Variants in PIAS2 observed in about 807,000 individuals in gnomAD.
PIAS2 encodes E3 SUMO-protein ligase PIAS2.
Under a neutral mutation model 69.7 loss-of-function variants are expected in PIAS2, and 19 were observed. The ratio of observed to expected loss-of-function variants is 0.27; its 90% CI spans 0.19 to 0.40. PIAS2 has a LOEUF of 0.40. Among genes scored for constraint, PIAS2 ranks in the 10% least tolerant of loss-of-function variants. The pLI is 1.00. For synonymous variants in PIAS2, 261 were observed against 263.2 expected, an observed-to-expected ratio of 0.99 and a Z score of 0.08; for missense variants, 624 against 757.0, an observed-to-expected ratio of 0.82 and a Z score of 2.06.
At chr18:46,884,183 C>T (rs1396088972) in intron 2 of PIAS2, among the ~76,000 whole-genome samples, 1 of 152,162 alleles carries the variant, frequency 6.6e-6, no homozygotes, top group Non-Finnish European at 1.5e-5. Context: ...AAAGTAGCAG[C>T]TTCACAGGTG....
chr18:46,840,943 T>C (rs921502943), intron 8 of PIAS2, among the ~76,000 whole-genome samples: 32 of 152,026 alleles, frequency 2.1e-4, no homozygotes, highest in African/African-American at 7.7e-4. Flanking sequence ...AGGCCCAAAA[T>C]GGTGGTTTCC....
chr18:46,875,429 T>C (rs1223134441), intron 2 of PIAS2, among the ~76,000 whole-genome samples: 3 of 152,132 alleles, frequency 2.0e-5, no homozygotes, highest in African/African-American at 7.2e-5. Context: ...TGTTGCTAAT[T>C]ATAGATAATC....
intron 1 of PIAS2, among the ~76,000 whole-genome samples, chr18:46,903,824 T>A (rs2056224537): frequency 1.3e-5 from 2 of 152,274 alleles, no homozygotes; most frequent in South Asian, 4.1e-4. Context: ...CAGATGTCCC[T>A]CAACAGGTGA....
In PIAS2 at chr18:46,804,347, AG is replaced by A. The variant is rs2040595383; in HGVS notation, c.*8085del. 2 of 152,336 alleles carry A rather than the reference AG, an allele frequency of 1.3e-5. No individual in the cohort carries two copies. Among genetic ancestry groups the A allele is most frequent in the Admixed American group, 1.3e-4 (2 of 15,296 alleles). The allele number at this position is 152,336 out of a possible 1,614,324, so 9.4% of individuals were successfully genotyped here. A position where few individuals can be genotyped will look rare whatever the true frequency, so the allele number is the denominator to read the frequency against. On this transcript the variant is annotated 3_prime_UTR_variant, in exon 14 of 14. Transcript: ENST00000585916. Reference sequence around the variant, plus strand: ...ATAGAATGATCAAGAAAGGCCTCTGAGAAAGTAGTTAAAACTGGATTTGAAA... The same window carrying A: ...ATAGAATGATCAAGAAAGGCCTCTGAAAAGTAGTTAAAACTGGATTTGAAA...
intron 11 of PIAS2, chr18:46,826,615 TTC>T (rs1213242122): frequency 3.3e-5 from 5 of 152,234 alleles, no homozygotes; most frequent in Admixed American, 6.5e-5. Flanking sequence ...TAACTTCATT[TTC>T]TGTTTATCAT....
chr18:46,857,326 C>T (rs1331316765), intron 3 of PIAS2, among the ~76,000 whole-genome samples: 1 of 152,108 alleles, frequency 6.6e-6, no homozygotes, highest in African/African-American at 2.4e-5. Context: ...AAGTAGGTAA[C>T]AGAAATACAA....
At chr18:46,822,283 G>C (rs2042260129) in intron 11 of PIAS2, among the ~76,000 whole-genome samples, 1 of 152,144 alleles carries the variant, frequency 6.6e-6, no homozygotes, top group Non-Finnish European at 1.5e-5. Context: ...AACTATGTTA[G>C]TCTCAGAAAA....
chr18:46,868,020 G>A (rs2049756211), intron 2 of PIAS2, among the ~76,000 whole-genome samples: 1 of 152,188 alleles, frequency 6.6e-6, no homozygotes, highest in Non-Finnish European at 1.5e-5. Context: ...CAAGTCATCA[G>A]GTGGCATAGC....
Position 46,809,127 on chromosome 18 carries a change from CTTGGT to C in PIAS2, c.*3301_*3305del, listed in dbSNP as rs2040851213. On this transcript the variant is annotated 3_prime_UTR_variant, in exon 14 of 14. Transcript: ENST00000585916. ...TCAAATTCCTCAAGACTAAGGAAAACTTGGTTTTATACCAAGAATTATGAATCAAC... is the reference window on the plus strand; with the variant it reads ...TCAAATTCCTCAAGACTAAGGAAAACTTTATACCAAGAATTATGAATCAAC... 1 of 152,166 alleles carries C rather than the reference CTTGGT, an allele frequency of 6.6e-6. No individual in the cohort carries two copies. Among genetic ancestry groups the C allele is most frequent in the African/African-American group, 2.4e-5 (1 of 41,438 alleles). 9.4% of individuals were successfully genotyped at this position (152,166 alleles called of 1,614,324 possible).
chr18:46,869,740 A>G (rs767217105), intron 2 of PIAS2, among the ~76,000 whole-genome samples: 25 of 152,210 alleles, frequency 1.6e-4, no homozygotes, highest in Admixed American at 1.1e-3. Context: ...CATTTGGACC[A>G]CAGAGCTCAT....
intron 10 of PIAS2, among the ~76,000 whole-genome samples, chr18:46,828,466 A>G (rs2043131257): frequency 6.6e-6 from 1 of 152,210 alleles, no homozygotes; most frequent in Admixed American, 6.5e-5. Context: ...GTCGTTTTAC[A>G]GAAAGACACG....
chr18:46,853,046 A>T (rs577528903), intron 5 of PIAS2: 2 of 152,518 alleles, frequency 1.3e-5, no homozygotes, highest in Admixed American at 1.3e-4. Flanking sequence ...GGAGGCCAAC[A>T]TAGGTGGATC....
chr18:46,886,091 C>T (rs2053133792), intron 2 of PIAS2, among the ~76,000 whole-genome samples: 1 of 152,128 alleles, frequency 6.6e-6, no homozygotes, highest in Non-Finnish European at 1.5e-5. Flanking sequence ...TGAGCAAAAG[C>T]CTACTACAGC....
chr18:46,832,892 C>CAAAAAA (rs34958166), intron 9 of PIAS2, among the ~76,000 whole-genome samples: 46 of 105,952 alleles, frequency 4.3e-4, no homozygotes, highest in African/African-American at 1.1e-3. Context: ...CCTCTGTCTC[C>CAAAAAA]AAAAAAAAAA....
chr18:46,815,593 T>C (rs1599270281), intron 12 of PIAS2: 3 of 1,172,454 alleles, frequency 2.6e-6, no homozygotes, highest in Non-Finnish European at 3.2e-6. Context: ...GTCCAAAACT[T>C]TCCAGTGAAG....
At chr18:46,868,599 A>G in intron 2 of PIAS2, among the ~76,000 whole-genome samples, 1 of 152,166 alleles carries the variant, frequency 6.6e-6, no homozygotes, top group East Asian at 1.9e-4. Flanking sequence ...ACAGAACCAG[A>G]GATTAACCGT....
At chr18:46,815,490 T>A in intron 12 of PIAS2, 141 bp from the exon 13 acceptor site, 1 of 1,474,370 alleles carries the variant, frequency 6.8e-7, no homozygotes, top group Non-Finnish European at 9.0e-7. Flanking sequence ...TATACCATGA[T>A]CAGTGATATT....
chr18:46,854,729 T>C (rs911811153), intron 5 of PIAS2, among the ~76,000 whole-genome samples: 2 of 152,168 alleles, frequency 1.3e-5, no homozygotes, highest in Non-Finnish European at 2.9e-5. Flanking sequence ...CAACTATTAT[T>C]GCACCCACCC....
chr18:46,900,932 C>G (rs2055733795), intron 1 of PIAS2: 1 of 292,098 alleles, frequency 3.4e-6, no homozygotes, highest in South Asian at 2.9e-5. Flanking sequence ...CGACGTCGTG[C>G]CATTGTACTC....
Sources: gnomAD v4.1 joint callset for allele counts (sites outside exome capture counted in the v4.1 genomes callset) on GRCh38, gnomAD v4.1.1 for gene constraint, MANE v1.5 for transcripts, NCBI Gene and HGNC (gene_info 2026-07-23, HGNC 2026-07-21) for gene names.